Variants in CEACAM3 observed in about 807,000 individuals in gnomAD.
The protein encoded by CEACAM3 is CEA cell adhesion molecule 3.
Under a neutral mutation model 30.1 loss-of-function variants are expected in CEACAM3, and 32 were observed. That is an observed-to-expected ratio of 1.06 (90% CI 0.80 to 1.43). The LOEUF (loss-of-function observed/expected upper bound fraction) is 1.43. Ranked by LOEUF, CEACAM3 falls within the 40% of genes most tolerant of loss-of-function variation. The pLI, the probability that CEACAM3 is intolerant of heterozygous loss-of-function variation, is 0.00. For synonymous variants in CEACAM3, 134 were observed against 127.2 expected, an observed-to-expected ratio of 1.05 and a Z score of -0.36; for missense variants, 290 against 316.3, an observed-to-expected ratio of 0.92 and a Z score of 0.63.
In CEACAM3 at chr19:41,800,520, G is replaced by A. The variant is rs147223446; in HGVS notation, c.424+2572G>A. ...CTCGCAGTTATCCGGAGGCCTAACC[G>A]TCTCCCTATGATGCTGTGCTTCAGT... On this transcript the variant is annotated intron_variant, in intron 2 of 6. Transcript: ENST00000357396. Among the ~76,000 whole-genome samples the A allele has an allele frequency of 3.9e-4, 60 of 152,242 alleles. 1 individual carries two copies. The East Asian group carries it at 9.5e-3, about 24-fold the overall frequency.
rs1555825373 is a variant in CEACAM3 at position 41,797,639 on chromosome 19, G to A, written c.115G>A (p.Glu39Lys). ...GCCCACCACTGCCAAGCTCACTATT[G>A]AATCCATGCCGCTCAGTGTCGCAGA... ...NPPTTAKLTI[E>K]SMPLSVAEGK... Residue 39 changes from glutamate to lysine, a missense_variant, in exon 2 of 7, where the codon GAA becomes AAA. Transcript: ENST00000357396. 6.2e-7 allele frequency: 1 copy of A among 1,614,108 alleles called. No homozygotes were observed. The highest frequency in any genetic ancestry group is 8.5e-7 in the Non-Finnish European group (1 of 1,180,022).
At chr19:41,803,644 T>G (rs1437021705) in intron 2 of CEACAM3, among the ~76,000 whole-genome samples, 1 of 151,776 alleles carries the variant, frequency 6.6e-6, no homozygotes, top group Admixed American at 6.6e-5. Flanking sequence ...TTTTTTGTAT[T>G]TTTAGTAGAG....
chr19:41,798,091 G>C (rs1000375077), intron 2 of CEACAM3, 143 bp downstream of exon 2: 76 of 1,365,464 alleles, frequency 5.6e-5, no homozygotes, highest in Admixed American at 9.2e-5. Context: ...GGACACACAC[G>C]GGGGAGACAA....
intron 2 of CEACAM3, among the ~76,000 whole-genome samples, chr19:41,805,285 C>CTTTTTTTTTTTTTTTTTT (rs782317671): frequency 5.7e-5 from 6 of 105,020 alleles, no homozygotes; most frequent in Admixed American, 1.1e-4. Flanking sequence ...CTTTTTTCTT[C>CTTTTTTTTTTTTTTTTTT]TTTTTTTTTT....
At position 41,797,813 on chromosome 19, in the gene CEACAM3, G is replaced by C. The variant is rs146460004; in HGVS notation, c.289G>C (p.Gly97Arg). 8 of 1,612,582 alleles carry C rather than the reference G, an allele frequency of 5.0e-6. 1 individual carries two copies. The African/African-American group carries it at 8.2e-5, about 16-fold the overall frequency. ...QQATPGAAYS[G>R]RETIYTNASL... Reference sequence around the variant, plus strand: ...AGCTACCCCAGGGGCCGCATACAGCGGTCGAGAGACAATATACACCAATGC... The same window carrying C: ...AGCTACCCCAGGGGCCGCATACAGCCGTCGAGAGACAATATACACCAATGC... Residue 97 changes from glycine to arginine, a missense_variant, in exon 2 of 7, where the codon GGT becomes CGT. By Grantham distance (125) the Gly-to-Arg change is moderately radical (BLOSUM62 -2). Coordinates refer to ENST00000357396, the MANE Select transcript of CEACAM3 (RefSeq NM_001815.5).
At chr19:41,803,357 A>G (rs1404567586) in intron 2 of CEACAM3, among the ~76,000 whole-genome samples, 2 of 152,140 alleles carry the variant, frequency 1.3e-5, no homozygotes, top group Non-Finnish European at 2.9e-5. Flanking sequence ...ACAGCTGAGG[A>G]AAGAATCTCT....
At chr19:41,802,825 G>A (rs2123001448) in intron 2 of CEACAM3, among the ~76,000 whole-genome samples, 1 of 152,264 alleles carries the variant, frequency 6.6e-6, no homozygotes, top group Middle Eastern at 3.4e-3. Flanking sequence ...AACTGGCCTG[G>A]CAGTGGGTAA....
intron 2 of CEACAM3, among the ~76,000 whole-genome samples, chr19:41,804,659 A>G (rs574167926): frequency 1.3e-5 from 2 of 152,256 alleles, no homozygotes; most frequent in South Asian, 4.2e-4. Context: ...ACTGATTTCA[A>G]ACCAAAGTCA....
intron 5 of CEACAM3, 79 bp downstream of exon 5, chr19:41,810,433 C>A: frequency 7.0e-7 from 1 of 1,434,230 alleles, no homozygotes; most frequent in Non-Finnish European, 9.6e-7. Context: ...ATCAGCCCCC[C>A]AGCACAGAAC....
intron 2 of CEACAM3, among the ~76,000 whole-genome samples, chr19:41,806,658 CT>C (rs1180159320): frequency 2.0e-5 from 3 of 152,112 alleles, no homozygotes; most frequent in Non-Finnish European, 2.9e-5. Context: ...CTGTCTTCGT[CT>C]TTTTTTGTTT....
At position 41,797,659 on chromosome 19, in the gene CEACAM3, C is replaced by T. The variant is rs138437996; in HGVS notation, c.135C>T (p.Val45=). ...KLTIESMPLS[V]AEGKEVLLLV... ...CTATTGAATCCATGCCGCTCAGTGTCGCAGAGGGGAAGGAGGTGCTTCTAC... is the reference window on the plus strand; with the variant it reads ...CTATTGAATCCATGCCGCTCAGTGTTGCAGAGGGGAAGGAGGTGCTTCTAC... The change falls in exon 2 of 7, where the codon GTC becomes GTT. Residue 45 remains valine, a synonymous_variant. Transcript: ENST00000357396. 20 of 1,614,154 alleles carry T rather than the reference C, an allele frequency of 1.2e-5. No homozygotes were observed. In the African/African-American group the frequency reaches 2.3e-4, roughly 18 times the overall value.
chr19:41,797,469 G>C (rs936601935), intron 1 of CEACAM3, 120 bp from the exon 2 acceptor site: 1 of 1,328,194 alleles, frequency 7.5e-7, no homozygotes, highest in South Asian at 1.4e-5. Context: ...CCTTGACCAA[G>C]TGGGACACAC....
intron 2 of CEACAM3, among the ~76,000 whole-genome samples, chr19:41,800,883 C>T (rs1371010392): frequency 6.6e-6 from 1 of 152,084 alleles, no homozygotes; most frequent in Non-Finnish European, 1.5e-5. Context: ...GTGATCCCCC[C>T]GGGGCCCAGC....
chr19:41,800,380 G>A (rs1445970608), intron 2 of CEACAM3, among the ~76,000 whole-genome samples: 1 of 152,124 alleles, frequency 6.6e-6, no homozygotes, highest in African/African-American at 2.4e-5. Context: ...AAGTGTCAAG[G>A]GAAAACACCC....
chr19:41,800,356 T>C (rs1384317733), intron 2 of CEACAM3, among the ~76,000 whole-genome samples: 2 of 151,970 alleles, frequency 1.3e-5, no homozygotes, highest in African/African-American at 4.8e-5. Context: ...CAGACCGAGG[T>C]CTAGCGGTAG....
Position 41,805,641 on chromosome 19 carries a change from C to T in CEACAM3, c.425-3172C>T, listed in dbSNP as rs1055844643. ...TTGACTACTCTAGGGACCTCGTATT[C>T]GTGGAACCGTACAGTAGTTGTCCTT... On this transcript the variant is annotated intron_variant, in intron 2 of 6. Transcript: ENST00000357396. Among the ~76,000 whole-genome samples the T allele has an allele frequency of 3.3e-5, 5 of 152,150 alleles. No individual in the cohort carries two copies. The East Asian group carries it at 7.7e-4, about 23-fold the overall frequency.
At chr19:41,809,835 C>A in intron 3 of CEACAM3, 130 bp from the exon 4 acceptor site, 1 of 885,372 alleles carries the variant, frequency 1.1e-6, no homozygotes, top group Non-Finnish European at 1.9e-6. Context: ...CCCCCTAACA[C>A]AAACCTGAGG....
chr19:41,806,881 G>T (rs1265894678), intron 2 of CEACAM3, among the ~76,000 whole-genome samples: 1 of 152,038 alleles, frequency 6.6e-6, no homozygotes, highest in Non-Finnish European at 1.5e-5. Flanking sequence ...TAGAGACGGG[G>T]TTTCACCGTG....
At chr19:41,808,678 GACAAC>G in intron 2 of CEACAM3, 130 bp from the exon 3 acceptor site, 1 of 689,648 alleles carries the variant, frequency 1.5e-6, no homozygotes. Context: ...CTGTGATGAG[GACAAC>G]ACAAGAGACT....
Sources: allele counts gnomAD v4.1 joint callset (sites outside exome capture counted in the v4.1 genomes callset), GRCh38; gene constraint gnomAD v4.1.1; transcripts MANE v1.5; gene names NCBI Gene and HGNC (gene_info 2026-07-23, HGNC 2026-07-21).